Variants in CCDC30 observed in about 807,000 individuals in gnomAD.
CCDC30 encodes coiled-coil domain-containing protein 30.
In CCDC30, 70 loss-of-function variants were observed where a neutral mutation model predicts 100.2. The ratio of observed to expected loss-of-function variants is 0.70; its 90% CI spans 0.58 to 0.85. The LOEUF (loss-of-function observed/expected upper bound fraction) is 0.85, where lower values mean the gene tolerates loss of function less well. CCDC30 is among the 40% of genes least tolerant of loss of function. The pLI is 0.00. For synonymous variants in CCDC30, 233 were observed against 269.5 expected (o/e 0.86, Z 1.33); for missense variants, 652 against 771.2 (o/e 0.85, Z 1.83).
intron 6 of CCDC30, among the ~76,000 whole-genome samples, chr1:42,516,360 G>C (rs1275515405): frequency 6.6e-6 from 1 of 152,006 alleles, no homozygotes; most frequent in Non-Finnish European, 1.5e-5. Flanking sequence ...ACAGGTGTTT[G>C]GGTCATGGGG....
At chr1:42,588,949 A>C (rs1646129818) in intron 9 of CCDC30, among the ~76,000 whole-genome samples, 1 of 151,478 alleles carries the variant, frequency 6.6e-6, no homozygotes. Flanking sequence ...AGTGCTTGTA[A>C]CTAACATTAC....
the CCDC30 span, chr1:42,457,335 T>G: frequency 1.2e-6 from 2 of 1,614,142 alleles, no homozygotes; most frequent in Non-Finnish European, 1.7e-6. Flanking sequence ...TCCAGTCATC[T>G]GGGGGCCCAC....
intron 6 of CCDC30, chr1:42,537,324 A>G: frequency 4.4e-6 from 2 of 452,498 alleles, no homozygotes; most frequent in Admixed American, 2.4e-5. Context: ...AGTAATTTAG[A>G]GGATAGTGAC....
chr1:42,465,595 C>G (rs776511873), intron 1 of CCDC30, among the ~76,000 whole-genome samples: 1 of 152,134 alleles, frequency 6.6e-6, no homozygotes, highest in Non-Finnish European at 1.5e-5. Context: ...GAACTCCTGA[C>G]CCCAGGTGAT....
intron 7 of CCDC30, among the ~76,000 whole-genome samples, chr1:42,569,541 A>G (rs1475083089): frequency 6.6e-6 from 1 of 152,222 alleles, no homozygotes; most frequent in African/African-American, 2.4e-5. Context: ...AGTGTAAACT[A>G]GTTCAACCAT....
At chr1:42,470,357 G>T (rs1356833711) in intron 1 of CCDC30, among the ~76,000 whole-genome samples, 1 of 151,910 alleles carries the variant, frequency 6.6e-6, no homozygotes. Flanking sequence ...GACCTGCATT[G>T]CTGGTAGGAA....
At chr1:42,606,315 G>C (rs1224374559) in intron 10 of CCDC30, among the ~76,000 whole-genome samples, 2 of 152,118 alleles carry the variant, frequency 1.3e-5, no homozygotes, top group East Asian at 3.9e-4. Flanking sequence ...TTCTCACTCT[G>C]TTGCCGAGCT....
chr1:42,594,081 C>T (rs1646238976), intron 10 of CCDC30: 1 of 152,168 alleles, frequency 6.6e-6, no homozygotes, highest in Non-Finnish European at 1.5e-5. Context: ...CACTATAATT[C>T]ATATAAATAA....
At chr1:42,472,750 G>A (rs1643812268) in intron 1 of CCDC30, among the ~76,000 whole-genome samples, 1 of 151,882 alleles carries the variant, frequency 6.6e-6, no homozygotes, top group Admixed American at 6.6e-5. Flanking sequence ...GGTATTACCA[G>A]CTGTTTCATT....
intron 7 of CCDC30, among the ~76,000 whole-genome samples, chr1:42,575,991 C>T (rs1297286015): frequency 3.3e-5 from 5 of 152,050 alleles, no homozygotes; most frequent in Admixed American, 6.6e-5. Flanking sequence ...ACAGGAGTTA[C>T]AGTGGGAGAA....
At chr1:42,564,702 T>C (rs552078423) in intron 6 of CCDC30, among the ~76,000 whole-genome samples, 1 of 152,322 alleles carries the variant, frequency 6.6e-6, no homozygotes, top group South Asian at 2.1e-4. Flanking sequence ...GGTGAGAACA[T>C]TTAAGCTCTA....
intron 16 of CCDC30, 44 bp downstream of exon 20, chr1:42,653,487 G>A (rs745964762): frequency 7.8e-7 from 1 of 1,276,418 alleles, no homozygotes; most frequent in South Asian, 1.3e-5. Context: ...ATCTGAGATG[G>A]ACTGTCAGCC....
At chr1:42,505,564 T>C (rs1434348600) in intron 6 of CCDC30, among the ~76,000 whole-genome samples, 1 of 152,258 alleles carries the variant, frequency 6.6e-6, no homozygotes, top group Non-Finnish European at 1.5e-5. Flanking sequence ...TTTAGTCATA[T>C]ACTTGGCCTG....
chr1:42,544,902 C>T (rs922920428), intron 6 of CCDC30, among the ~76,000 whole-genome samples: 43 of 152,116 alleles, frequency 2.8e-4, no homozygotes, highest in African/African-American at 1.0e-3. Context: ...TAAGATATAT[C>T]TAATATTCTT....
At chr1:42,471,483 T>C (rs1260351745) in intron 1 of CCDC30, among the ~76,000 whole-genome samples, 1 of 152,254 alleles carries the variant, frequency 6.6e-6, no homozygotes, top group Non-Finnish European at 1.5e-5. Flanking sequence ...ATAATACTTT[T>C]GCATTGTGCT....
chr1:42,640,250 A>G (rs1032433199), intron 12 of CCDC30, among the ~76,000 whole-genome samples: 3 of 152,180 alleles, frequency 2.0e-5, no homozygotes, highest in African/African-American at 4.8e-5. Context: ...TAATGAGTCA[A>G]TTGAGACTTC....
intron 9 of CCDC30, among the ~76,000 whole-genome samples, chr1:42,583,070 AT>A (rs35824871): frequency 2.6e-5 from 4 of 152,110 alleles, no homozygotes; most frequent in Admixed American, 1.3e-4. Context: ...CAAAAAAATT[AT>A]TTTTTTTCTT....
At chr1:42,497,524 T>C (rs938263677) in intron 5 of CCDC30, among the ~76,000 whole-genome samples, 4 of 152,230 alleles carry the variant, frequency 2.6e-5, no homozygotes, top group Admixed American at 1.3e-4. Flanking sequence ...TACTCTATTA[T>C]ATTGGATAAG....
chr1:42,531,686 G>A (rs774568385), intron 6 of CCDC30, among the ~76,000 whole-genome samples: 2 of 151,672 alleles, frequency 1.3e-5, no homozygotes, highest in Non-Finnish European at 2.9e-5. Context: ...TGCTTGTGCC[G>A]AGAGACAGAG....
Sources: allele counts gnomAD v4.1 joint callset (sites outside exome capture counted in the v4.1 genomes callset), GRCh38; gene constraint gnomAD v4.1.1; transcripts MANE v1.5; gene names NCBI Gene and HGNC (gene_info 2026-07-23, HGNC 2026-07-21).